Variants in NSMCE1 observed in about 807,000 individuals in gnomAD.
NSMCE1 encodes the protein non-structural maintenance of chromosomes element 1 homolog.
Under a neutral mutation model 29.6 loss-of-function variants are expected in NSMCE1, and 18 were observed. That is an observed-to-expected ratio of 0.61 (90% CI 0.42 to 0.90). The LOEUF (loss-of-function observed/expected upper bound fraction) is 0.90. Among genes scored for constraint, NSMCE1 ranks in the 40% least tolerant of loss-of-function variants. The pLI, the probability that NSMCE1 is intolerant of heterozygous loss-of-function variation, is 0.00. For missense variants in NSMCE1, 314 were observed against 343.6 expected, an observed-to-expected ratio of 0.91 and a Z score of 0.68; for synonymous variants, 124 against 133.4, an observed-to-expected ratio of 0.93 and a Z score of 0.49.
chr16:27,225,063 C>G lies in NSMCE1; in HGVS notation c.*94G>C, dbSNP rs1461845159. 13 of 718,032 alleles carry G rather than the reference C, an allele frequency of 1.8e-5. 1 individual carries two copies. In the South Asian group the frequency reaches 2.1e-4, roughly 11 times the overall value. 44.5% of individuals were successfully genotyped at this position (718,032 alleles called of 1,614,324 possible). On this transcript the variant is annotated 3_prime_UTR_variant, in exon 8 of 8. Transcript: ENST00000361439. ...GAACATTAAGACGAAAGAGGTGACT[C>G]GCGTGGAACCTGAAACACGGACGCC...
intron 2 of NSMCE1, among the ~76,000 whole-genome samples, chr16:27,257,189 G>A (rs1380585130): frequency 6.6e-6 from 1 of 152,178 alleles, no homozygotes; most frequent in Non-Finnish European, 1.5e-5. Context: ...GAGGCTTGGT[G>A]TGAACCACAA....
At position 27,240,682 on chromosome 16, in the gene NSMCE1, A is replaced by C. The variant is rs75278489; in HGVS notation, c.137-5383T>G. Among the ~76,000 whole-genome samples, 1,337 of 152,370 alleles carry C rather than the reference A, an allele frequency of 8.8e-3. 10 individuals are homozygous for C. The highest frequency in any genetic ancestry group is 0.012 in the Non-Finnish European group (835 of 68,038). On this transcript the variant is annotated intron_variant, in intron 2 of 7. Transcript: ENST00000361439. ...GCAAGTGACAAGCACTGAACAAAAC[A>C]GGACACTTCTCCCCTAAGGAGAAGG...
intron 4 of NSMCE1, 90 bp downstream of exon 4, chr16:27,234,098 T>C (rs2083791853): frequency 1.2e-6 from 1 of 859,926 alleles, no homozygotes; most frequent in East Asian, 2.4e-5. Context: ...CCAGTGATCC[T>C]TGAACACTGC....
chr16:27,261,516 G>A (rs561868221), intron 1 of NSMCE1, among the ~76,000 whole-genome samples: 1 of 152,166 alleles, frequency 6.6e-6, no homozygotes, highest in Admixed American at 6.5e-5. Flanking sequence ...CAAAACTAAT[G>A]AATGAATTAT....
At position 27,232,699 on chromosome 16, in the gene NSMCE1, G is replaced by A. The variant is rs377283141; in HGVS notation, c.483+302C>T. On this transcript the variant is annotated intron_variant, in intron 5 of 7. Coordinates refer to ENST00000361439, the MANE Select transcript of NSMCE1 (RefSeq NM_145080.4). This position sits in a 1 kb window ranked among gnomAD's most constrained non-coding sequence, Gnocchi z 4.5. ...ACACTCTCAGCCACGGAACTGCCCT[G>A]CCTTGCAGTCTGTGGGCTAGAGCCT... is the stretch of plus-strand genomic sequence containing the variant. Among the ~76,000 whole-genome samples, 18 of 152,368 alleles carry A rather than the reference G, an allele frequency of 1.2e-4. No individual in the cohort carries two copies. The highest frequency in any genetic ancestry group is 4.3e-4 in the African/African-American group (18 of 41,592).
chr16:27,232,510 C>T lies in NSMCE1; in HGVS notation c.483+491G>A, dbSNP rs535078082. Among the ~76,000 whole-genome samples, 3 of 152,190 alleles carry T rather than the reference C, an allele frequency of 2.0e-5. No homozygotes were observed. The highest frequency in any genetic ancestry group is 4.4e-5 in the Non-Finnish European group (3 of 68,028). On this transcript the variant is annotated intron_variant, in intron 5 of 7. Coordinates refer to ENST00000361439, the MANE Select transcript of NSMCE1 (RefSeq NM_145080.4). This position sits in a 1 kb window ranked among gnomAD's most constrained non-coding sequence, Gnocchi z 4.5. The stretch of plus-strand genomic sequence containing the variant: ...GTGGTAATGTCACCAATTCCTCTGC[C>T]GCCTCCCCCGCGAGCCAGCCAGCCT...
intron 1 of NSMCE1, among the ~76,000 whole-genome samples, chr16:27,263,950 G>A (rs529359260): frequency 6.6e-6 from 1 of 152,202 alleles, no homozygotes; most frequent in African/African-American, 2.4e-5. Flanking sequence ...CTTTGTGTAT[G>A]TGTGTGTGTG....
intron 1 of NSMCE1, among the ~76,000 whole-genome samples, chr16:27,263,375 G>C (rs2084183460): frequency 6.6e-6 from 1 of 152,222 alleles, no homozygotes; most frequent in Admixed American, 6.5e-5. Context: ...AAAGAAGAAT[G>C]AGATGATGTC....
chr16:27,267,372 C>G (rs2084237439), intron 1 of NSMCE1, among the ~76,000 whole-genome samples: 1 of 152,254 alleles, frequency 6.6e-6, no homozygotes, highest in East Asian at 1.9e-4. Flanking sequence ...CCAGAACAAC[C>G]TTATGAGCAA....
chr16:27,263,331 G>A (rs1177009577), intron 1 of NSMCE1, among the ~76,000 whole-genome samples: 2 of 152,146 alleles, frequency 1.3e-5, no homozygotes, highest in African/African-American at 4.8e-5. Context: ...AAGAAAATGT[G>A]GTACCTATAC....
Position 27,232,933 on chromosome 16 carries a change from G to T in NSMCE1, c.483+68C>A. The stretch of plus-strand genomic sequence containing the variant: ...TCAGACATCAGTTGGCTACAAGTAC[G>T]ATTTTGGAGAAAAAACTGTTATTCA... On this transcript the variant is annotated intron_variant, in intron 5 of 7. Coordinates refer to ENST00000361439, the MANE Select transcript of NSMCE1 (RefSeq NM_145080.4). The surrounding 1 kb of genome is among the most constrained non-coding windows in gnomAD (Gnocchi z 4.5). The T allele has an allele frequency of 6.4e-7, 1 of 1,555,298 alleles. No homozygotes were observed. The highest frequency in any genetic ancestry group is 1.2e-5 in the South Asian group (1 of 86,086).
chr16:27,249,454 T>G (rs887101477), intron 2 of NSMCE1, among the ~76,000 whole-genome samples: 1 of 152,234 alleles, frequency 6.6e-6, no homozygotes, highest in Non-Finnish European at 1.5e-5. Context: ...ATTTTTGTAT[T>G]TGGTGCAAAG....
At chr16:27,226,620 G>C in intron 6 of NSMCE1, 100 bp downstream of exon 6, 1 of 760,494 alleles carries the variant, frequency 1.3e-6, no homozygotes, top group Admixed American at 2.2e-5. Flanking sequence ...CAGCAGTGCA[G>C]GAGGGCTGGG....
chr16:27,259,937 AG>A (rs1223870023), intron 1 of NSMCE1, among the ~76,000 whole-genome samples: 6 of 152,212 alleles, frequency 3.9e-5, no homozygotes, highest in Non-Finnish European at 8.8e-5. Context: ...CTGAAGACTG[AG>A]GATAAGACAA....
At chr16:27,265,294 T>C (rs1266113461) in intron 1 of NSMCE1, among the ~76,000 whole-genome samples, 2 of 147,774 alleles carry the variant, frequency 1.4e-5, no homozygotes, top group Non-Finnish European at 3.0e-5. Context: ...CAGAACCCCC[T>C]AGCAGCTATG....
chr16:27,240,799 G>T (rs1354405290), intron 2 of NSMCE1, among the ~76,000 whole-genome samples: 1 of 152,210 alleles, frequency 6.6e-6, no homozygotes, highest in Admixed American at 6.5e-5. Flanking sequence ...AAGGCCAGGT[G>T]TGGTGGCTTA....
At chr16:27,245,885 T>G (rs1345104553) in intron 2 of NSMCE1, among the ~76,000 whole-genome samples, 1 of 152,020 alleles carries the variant, frequency 6.6e-6, no homozygotes, top group Admixed American at 6.6e-5. Flanking sequence ...AGAAGGAAAA[T>G]GTACTTGGAG....
In NSMCE1 at chr16:27,257,499, G is replaced by A. The variant is rs757317698; in HGVS notation, c.72C>T (p.Thr24=). The change falls in exon 2 of 8, where the codon ACC becomes ACT. Residue 24 remains threonine, a synonymous_variant. Transcript: ENST00000361439. ...VHRRFLQLLM[T]HGVLEEWDVK... is the part of the protein sequence containing the mutation. ...CGTCCCATTCCTCTAGCACGCCATG[G>A]GTCATCAGCAACTGGAGGAAGCGCC... 57 of 1,613,816 alleles carry A rather than the reference G, an allele frequency of 3.5e-5. No individual in the cohort carries two copies. The highest frequency in any genetic ancestry group is 4.6e-5 in the Non-Finnish European group (54 of 1,179,932).
chr16:27,228,117 C>G (rs954739189), intron 5 of NSMCE1, among the ~76,000 whole-genome samples: 1 of 152,194 alleles, frequency 6.6e-6, no homozygotes, highest in Non-Finnish European at 1.5e-5. Flanking sequence ...AGCCCCCCAC[C>G]CCATTCCCAC....
Sources: allele counts gnomAD v4.1 joint callset (sites outside exome capture counted in the v4.1 genomes callset), GRCh38; gene constraint gnomAD v4.1.1; non-coding constraint Gnocchi (gnomAD v3.1); transcripts MANE v1.5; gene names NCBI Gene and HGNC (gene_info 2026-07-23, HGNC 2026-07-21).